The following MYLK4 variants were observed in gnomAD, a reference collection of about 807,000 sequenced individuals.
MYLK4 encodes caMLCK like.
Under a neutral mutation model 48.1 loss-of-function variants are expected in MYLK4, and 46 were observed. The ratio of observed to expected loss-of-function variants is 0.96; its 90% CI spans 0.75 to 1.22. MYLK4 has a LOEUF of 1.22. Among genes scored for constraint, MYLK4 ranks in the 50% most tolerant of loss-of-function variants. MYLK4 has a pLI of 0.00. For synonymous variants in MYLK4, 170 were observed against 180.8 expected (o/e 0.94, Z 0.48); for missense variants, 451 against 486.1 (o/e 0.93, Z 0.68).
At chr6:2,713,511 G>C (rs1762756263) in intron 2 of MYLK4, among the ~76,000 whole-genome samples, 1 of 152,238 alleles carries the variant, frequency 6.6e-6, no homozygotes, top group Non-Finnish European at 1.5e-5. Flanking sequence ...CAAAAGAGAA[G>C]GTTCTGTGTG....
At chr6:2,764,477 C>T in the MYLK4 span, among the ~76,000 whole-genome samples, 2 of 152,202 alleles carry the variant, frequency 1.3e-5, no homozygotes, top group East Asian at 3.8e-4. Flanking sequence ...GAAAAGTCTT[C>T]ATTCTCCCTC....
chr6:2,671,419 T>G (rs1457039455), intron 11 of MYLK4, 71 bp from the exon 12 acceptor site: 1 of 1,411,072 alleles, frequency 7.1e-7, no homozygotes, highest in Non-Finnish European at 1.0e-6. Context: ...TGAGCTCACA[T>G]GAAAAGACAA....
At chr6:2,688,764 C>T (rs1761660597) in intron 4 of MYLK4, 87 bp downstream of exon 4, 3 of 1,026,392 alleles carry the variant, frequency 2.9e-6, no homozygotes. Context: ...GTTTCTAGTT[C>T]TCAGGTCAAG....
At chr6:2,766,129 GGGCGACGGCGAT>G in the MYLK4 span, 43,048 of 1,325,570 alleles carry the variant, frequency 0.032, 811 homozygotes, top group Middle Eastern at 0.075. Context: ...AGGAGGCCGT[GGGCGACGGCGAT>G]GGCGACGGGG....
chr6:2,672,803 A>C lies in MYLK4; in HGVS notation c.1120-1455T>G, dbSNP rs1760952981. Among the ~76,000 whole-genome samples, 1 of 152,232 alleles carries C rather than the reference A, an allele frequency of 6.6e-6. No homozygotes were observed. Among genetic ancestry groups the C allele is most frequent in the African/African-American group, 2.4e-5 (1 of 41,468 alleles). On this transcript the variant is annotated intron_variant, in intron 11 of 12. Coordinates refer to ENST00000274643, the MANE Select transcript of MYLK4 (RefSeq NM_001012418.5). The surrounding 1 kb of genome is among the most constrained non-coding windows in gnomAD (Gnocchi z 4.3). Reference sequence around the variant, plus strand: ...AGCAGCCCATCACCGGCAGGAGAGCAGAGCAGTGAGGCTCTGCCCGGACTC... The same window carrying C: ...AGCAGCCCATCACCGGCAGGAGAGCCGAGCAGTGAGGCTCTGCCCGGACTC...
At chr6:2,728,898 C>T (rs192111513) in intron 2 of MYLK4, among the ~76,000 whole-genome samples, 59 of 152,390 alleles carry the variant, frequency 3.9e-4, no homozygotes, top group Admixed American at 3.4e-3. Flanking sequence ...AGCTGAGAAT[C>T]TCCACGGTGG....
At chr6:2,760,416 T>G in the MYLK4 span, among the ~76,000 whole-genome samples, 1 of 152,224 alleles carries the variant, frequency 6.6e-6, no homozygotes, top group Admixed American at 6.5e-5. Context: ...TGAGTTTCTA[T>G]GTCCAGAGTT....
intron 2 of MYLK4, among the ~76,000 whole-genome samples, chr6:2,697,074 T>C (rs889458116): frequency 6.6e-6 from 1 of 151,982 alleles, no homozygotes; most frequent in Non-Finnish European, 1.5e-5. Flanking sequence ...TAAAATAAAA[T>C]GAAATAAAAT....
intron 2 of MYLK4, among the ~76,000 whole-genome samples, chr6:2,706,486 T>C (rs1292490491): frequency 5.3e-5 from 8 of 152,178 alleles, no homozygotes; most frequent in African/African-American, 1.4e-4. Flanking sequence ...AAAACGTGTA[T>C]ATTAAATACG....
intron 11 of MYLK4, 97 bp downstream of exon 11, chr6:2,674,950 G>C: frequency 1.2e-6 from 1 of 864,226 alleles, no homozygotes. Flanking sequence ...AAAAGAATGA[G>C]AAAGAATCTT....
intron 12 of MYLK4, among the ~76,000 whole-genome samples, chr6:2,669,010 G>A (rs993406320): frequency 2.0e-5 from 3 of 152,090 alleles, no homozygotes; most frequent in African/African-American, 7.2e-5. Context: ...TGAGGCTGCA[G>A]TGAGCTATGC....
At chr6:2,766,431 C>A in the MYLK4 span, 20 of 1,564,266 alleles carry the variant, frequency 1.3e-5, no homozygotes, top group Non-Finnish European at 1.7e-5. Context: ...TGGGGGCCGC[C>A]GGGCTGCGGC....
the MYLK4 span, among the ~76,000 whole-genome samples, chr6:2,764,314 A>G: frequency 3.3e-5 from 5 of 152,046 alleles, no homozygotes; most frequent in Non-Finnish European, 7.4e-5. Flanking sequence ...GACGACTCCA[A>G]AGGCTAAGGC....
intron 2 of MYLK4, among the ~76,000 whole-genome samples, chr6:2,742,431 T>C (rs936411024): frequency 1.3e-5 from 2 of 151,836 alleles, no homozygotes. Context: ...ATGTTTACTG[T>C]GGCACTATTC....
chr6:2,718,175 G>C (rs1464914894), intron 2 of MYLK4, among the ~76,000 whole-genome samples: 36 of 91,372 alleles, frequency 3.9e-4, no homozygotes, highest in Non-Finnish European at 5.9e-4. Context: ...GTGAAACTCT[G>C]TCTCAAAAAA....
In MYLK4 at chr6:2,675,172, G is replaced by T. The variant is rs149032845; in HGVS notation, c.1041-47C>A. ...GATTAGTAGAAACACACCGAAGAAG[G>T]CCTGTATCTGCTGTTCAATCTCAAC... is the stretch of plus-strand genomic sequence containing the variant. On this transcript the variant is annotated intron_variant, in intron 10 of 12. Transcript: ENST00000274643. 2.9e-5 allele frequency: 40 copies of T among 1,357,426 alleles called. No individual in the cohort carries two copies. The African/African-American group carries it at 5.4e-4, about 18-fold the overall frequency. 84.1% of individuals were successfully genotyped at this position (1,357,426 alleles called of 1,614,324 possible).
intron 2 of MYLK4, among the ~76,000 whole-genome samples, chr6:2,712,443 G>A (rs1380482941): frequency 6.6e-6 from 1 of 152,190 alleles, no homozygotes; most frequent in Admixed American, 6.5e-5. Context: ...GGCATTCAAA[G>A]TACATCGCCA....
chr6:2,768,637 G>T, the MYLK4 span: 21 of 1,481,190 alleles, frequency 1.4e-5, no homozygotes, highest in South Asian at 2.8e-4. Flanking sequence ...CATGGGTGCT[G>T]GTCTCTCTGT....
At chr6:2,763,810 G>A in the MYLK4 span, among the ~76,000 whole-genome samples, 1,097 of 152,042 alleles carry the variant, frequency 7.2e-3, 14 homozygotes, top group African/African-American at 0.025. Flanking sequence ...TGAGAGGGCT[G>A]CCAGAATGCT....
Sources: allele counts gnomAD v4.1 joint callset (sites outside exome capture counted in the v4.1 genomes callset), GRCh38; gene constraint gnomAD v4.1.1; non-coding constraint Gnocchi (gnomAD v3.1); transcripts MANE v1.5; gene names NCBI Gene and HGNC (gene_info 2026-07-23, HGNC 2026-07-21).